Variants in NLGN4Y observed in about 807,000 individuals in gnomAD.
NLGN4Y encodes the protein neuroligin 4 Y-linked.
Under a neutral mutation model 8.4 loss-of-function variants are expected in NLGN4Y, and 4 were observed. That is an observed-to-expected ratio of 0.48 (90% confidence interval 0.23 to 1.09). NLGN4Y has a LOEUF of 1.09. NLGN4Y is among the 50% of genes least tolerant of loss of function. The pLI is 0.19. For synonymous variants in NLGN4Y, 35 were observed against 75.6 expected, an observed-to-expected ratio of 0.46 and a Z score of 2.78; for missense variants, 90 against 192.3, an observed-to-expected ratio of 0.47 and a Z score of 3.15.
chrY:14,824,092 A>C, intron 4 of NLGN4Y, 96 bp from the exon 5 acceptor site: 1 of 268,281 alleles, frequency 3.7e-6, no homozygotes, highest in Non-Finnish European at 5.8e-6. Flanking sequence ...GTGGAGAGAG[A>C]GAATGAAGAA....
At chrY:14,579,934 G>T in intron 1 of NLGN4Y, among the ~76,000 whole-genome samples, 1 of 31,137 alleles carries the variant, frequency 3.2e-5, no homozygotes, top group Non-Finnish European at 7.6e-5. Flanking sequence ...GTGCAAGAAA[G>T]TGCTGTTGTG....
At chrY:14,757,818 G>A (rs2081066843) in intron 4 of NLGN4Y, among the ~76,000 whole-genome samples, 1 of 34,275 alleles carries the variant, frequency 2.9e-5, no homozygotes, top group Non-Finnish European at 7.3e-5. Context: ...CTGGCTTCAA[G>A]CAATCCTTTC....
intron 1 of NLGN4Y, among the ~76,000 whole-genome samples, chrY:14,543,690 T>C: frequency 3.0e-5 from 1 of 33,572 alleles, no homozygotes; most frequent in Non-Finnish European, 7.4e-5. Context: ...AGTGCAGTGA[T>C]GCAATCATAG....
chrY:14,763,211 G>T, intron 4 of NLGN4Y, among the ~76,000 whole-genome samples: 1 of 33,805 alleles, frequency 3.0e-5, no homozygotes, highest in African/African-American at 1.1e-4. Flanking sequence ...AGTCAGAGAA[G>T]TTACCTAAAA....
At chrY:14,734,491 A>G (rs2080985784) in intron 4 of NLGN4Y, among the ~76,000 whole-genome samples, 1 of 33,614 alleles carries the variant, frequency 3.0e-5, no homozygotes, top group Non-Finnish European at 7.4e-5. Flanking sequence ...TCAATTTTAT[A>G]TTTATTTTAG....
At chrY:14,570,579 A>ATTAT (rs2080265571) in intron 1 of NLGN4Y, among the ~76,000 whole-genome samples, 17 of 33,144 alleles carry the variant, frequency 5.1e-4, no homozygotes, top group East Asian at 1.6e-3. Context: ...AATGAAATTT[A>ATTAT]TTATTTATTT....
intron 4 of NLGN4Y, among the ~76,000 whole-genome samples, chrY:14,793,077 G>A (rs2042993410): frequency 3.1e-5 from 1 of 32,230 alleles, no homozygotes; most frequent in Non-Finnish European, 7.5e-5. Context: ...ATGAGCTATA[G>A]GAAATTCACG....
At chrY:14,682,964 A>C in intron 2 of NLGN4Y, among the ~76,000 whole-genome samples, 1 of 33,230 alleles carries the variant, frequency 3.0e-5, no homozygotes, top group Non-Finnish European at 7.4e-5. Context: ...TGGTTGATAG[A>C]GTGAGACCCT....
At chrY:14,702,319 C>A in intron 2 of NLGN4Y, among the ~76,000 whole-genome samples, 1 of 31,353 alleles carries the variant, frequency 3.2e-5, no homozygotes, top group African/African-American at 1.2e-4. Flanking sequence ...CCCCTACCCC[C>A]ACCCCACAAC....
At chrY:14,694,338 C>A (rs2080821079) in intron 2 of NLGN4Y, among the ~76,000 whole-genome samples, 2 of 33,659 alleles carry the variant, frequency 5.9e-5, no homozygotes, top group Admixed American at 5.4e-4. Context: ...TATAGAGGAG[C>A]CAGAGTTAAT....
chrY:14,593,197 C>G (rs973777743), intron 1 of NLGN4Y, among the ~76,000 whole-genome samples: 2 of 33,584 alleles, frequency 6.0e-5, no homozygotes, highest in South Asian at 1.3e-3. Flanking sequence ...AGCTTCTATC[C>G]AATTTGTAAA....
intron 1 of NLGN4Y, among the ~76,000 whole-genome samples, chrY:14,542,999 T>C (rs2080156451): frequency 3.2e-5 from 1 of 31,613 alleles, no homozygotes; most frequent in Admixed American, 2.9e-4. Flanking sequence ...GGGGCAAGGA[T>C]ACTATTAAGA....
At chrY:14,580,378 C>T in intron 1 of NLGN4Y, among the ~76,000 whole-genome samples, 2 of 29,979 alleles carry the variant, frequency 6.7e-5, no homozygotes, top group Non-Finnish European at 1.6e-4. Flanking sequence ...AATGGGATTA[C>T]TTGGTCAAAT....
At chrY:14,577,455 C>A (rs2080302755) in intron 1 of NLGN4Y, among the ~76,000 whole-genome samples, 1 of 33,781 alleles carries the variant, frequency 3.0e-5, no homozygotes, top group Non-Finnish European at 7.4e-5. Flanking sequence ...TATGGAGACT[C>A]TAGGAATCTG....
At chrY:14,738,327 C>T (rs2080996510) in intron 4 of NLGN4Y, among the ~76,000 whole-genome samples, 2 of 32,359 alleles carry the variant, frequency 6.2e-5, no homozygotes, top group East Asian at 8.2e-4. Flanking sequence ...TAAAAAGAGA[C>T]GCTATTTTTT....
chrY:14,578,906 G>A (rs762168353), intron 1 of NLGN4Y, among the ~76,000 whole-genome samples: 3 of 34,114 alleles, frequency 8.8e-5, no homozygotes, highest in Non-Finnish European at 2.2e-4. Flanking sequence ...TTACCACATA[G>A]AACTCTTATC....
intron 3 of NLGN4Y, among the ~76,000 whole-genome samples, chrY:14,719,970 A>C: frequency 3.0e-5 from 1 of 32,983 alleles, no homozygotes; most frequent in African/African-American, 1.2e-4. Flanking sequence ...TAATTTTTTC[A>C]TAGGACTGAA....
At chrY:14,583,895 A>G (rs768967909) in intron 1 of NLGN4Y, among the ~76,000 whole-genome samples, 171 of 33,885 alleles carry the variant, frequency 5.0e-3, no homozygotes, top group Non-Finnish European at 9.7e-3. Context: ...GATTCCCCAC[A>G]AACTAAGCAA....
intron 4 of NLGN4Y, among the ~76,000 whole-genome samples, chrY:14,728,039 ATTG>A (rs2080961005): frequency 5.9e-5 from 2 of 33,746 alleles, no homozygotes; most frequent in Admixed American, 2.7e-4. Flanking sequence ...AAGGGCATGA[ATTG>A]TTGTTGTTTG....
Sources: gnomAD v4.1 joint callset for allele counts (sites outside exome capture counted in the v4.1 genomes callset) on GRCh38, gnomAD v4.1.1 for gene constraint, MANE v1.5 for transcripts, NCBI Gene and HGNC (gene_info 2026-07-23, HGNC 2026-07-21) for gene names.